SMARCA4: variants seen among roughly 807,000 people sequenced by gnomAD.
SMARCA4 encodes SWI/SNF related BAF chromatin remodeling complex subunit ATPase 4.
A neutral mutation model predicts 193.9 loss-of-function variants in SMARCA4; 31 were observed. That is an observed-to-expected ratio of 0.16 (90% CI 0.12 to 0.22). The LOEUF (loss-of-function observed/expected upper bound fraction) is 0.22, where lower values mean the gene tolerates loss of function less well. Among genes scored for constraint, SMARCA4 ranks in the 10% least tolerant of loss-of-function variants. The probability of loss-of-function intolerance (pLI) is 1.00; values close to 1 mark genes in which losing one functional copy is unlikely to be tolerated. For missense variants in SMARCA4, 1,148 were observed against 2,296.0 expected (o/e 0.50, Z 10.22); for synonymous variants, 942 against 933.1 (o/e 1.01, Z -0.17).
In SMARCA4 at chr19:11,034,822, G is replaced by A. The variant is rs916919345; in HGVS notation, c.3952-92G>A. 12 of 849,326 alleles carry A rather than the reference G, an allele frequency of 1.4e-5. No homozygotes were observed. Among genetic ancestry groups the A allele is most frequent in the Non-Finnish European group, 2.3e-5 (12 of 520,454 alleles). The allele number at this position is 849,326 out of a possible 1,614,324, so 52.6% of individuals were successfully genotyped here. ...AGCAGCGTGGAGCCCCACGGGCAGA[G>A]AAAGGCCCTTCTGAACTCTCGGTGT... On this transcript the variant is annotated intron_variant, in intron 28 of 34. Transcript: ENST00000344626. This position sits in a 1 kb window ranked among gnomAD's most constrained non-coding sequence, Gnocchi z 7.0.
At chr19:11,056,764 CCAAACAAG>C (rs2076569172) in intron 30 of SMARCA4, among the ~76,000 whole-genome samples, 1 of 152,092 alleles carries the variant, frequency 6.6e-6, no homozygotes, top group Non-Finnish European at 1.5e-5. Flanking sequence ...CACACAAACA[CCAAACAAG>C]CAGGAGGCCT....
rs377640724 is a variant in SMARCA4 at position 11,033,537 on chromosome 19, C to T, written c.3774+20C>T. 3.2e-5 allele frequency: 50 copies of T among 1,584,934 alleles called. No individual in the cohort carries two copies. The highest frequency in any genetic ancestry group is 3.1e-4 in the African/African-American group (23 of 74,376). ...GATGAGGTGAGCCCAGCACCGGCCC[C>T]GACCCCTCCCCAGCGTGAATGGTGG... On this transcript the variant is annotated intron_variant, in intron 26 of 34. Coordinates refer to ENST00000344626, the MANE Select transcript of SMARCA4 (RefSeq NM_003072.5). This position sits in a 1 kb window ranked among gnomAD's most constrained non-coding sequence, Gnocchi z 9.8.
At chr19:11,004,713 A>G (rs1189294294) in intron 13 of SMARCA4, among the ~76,000 whole-genome samples, 2 of 151,946 alleles carry the variant, frequency 1.3e-5, no homozygotes, top group Non-Finnish European at 2.9e-5. Context: ...AAGACCATTT[A>G]TATTTACTGT....
chr19:11,026,187 G>T (rs1192268191), intron 22 of SMARCA4, 113 bp from the exon 23 acceptor site: 3 of 861,130 alleles, frequency 3.5e-6, no homozygotes, highest in South Asian at 2.6e-5. Flanking sequence ...GGCCCGTGCC[G>T]AGCACACAGT....
rs112035322 is a variant in SMARCA4, at chr19:11,045,998, C to T, written c.4424+4438C>T. Among the ~76,000 whole-genome samples the T allele has an allele frequency of 5.4e-3, 822 of 152,056 alleles. 7 individuals are homozygous for T. Among genetic ancestry groups the T allele is most frequent in the African/African-American group, 0.017 (721 of 41,478 alleles). Reference sequence around the variant, plus strand: ...CAGCACTTTGGGAGGCTGAGGCGAGCGGATCACAAGGCCAGGAGATCAAGA... The same window carrying T: ...CAGCACTTTGGGAGGCTGAGGCGAGTGGATCACAAGGCCAGGAGATCAAGA... On this transcript the variant is annotated intron_variant, in intron 30 of 34. Transcript: ENST00000344626.
chr19:11,004,335 G>A (rs1054578460), intron 13 of SMARCA4, among the ~76,000 whole-genome samples: 5 of 149,854 alleles, frequency 3.3e-5, no homozygotes, highest in African/African-American at 4.9e-5. Flanking sequence ...TGCAACCTCC[G>A]CCTCCCGGGT....
intron 9 of SMARCA4, 24 bp from the exon 10 acceptor site, chr19:10,996,189 G>C (rs2145967506): frequency 6.2e-7 from 1 of 1,613,648 alleles, no homozygotes; most frequent in Non-Finnish European, 8.5e-7. Context: ...CCACCACATT[G>C]CAGTAACCCC....
chr19:11,028,698 C>T (rs558523048), intron 24 of SMARCA4, among the ~76,000 whole-genome samples: 4 of 152,332 alleles, frequency 2.6e-5, no homozygotes, highest in Non-Finnish European at 4.4e-5. Context: ...CCCCAGCACA[C>T]GGGAGCTCAG....
At chr19:11,037,736 C>G (rs2075351190) in intron 29 of SMARCA4, among the ~76,000 whole-genome samples, 1 of 151,848 alleles carries the variant, frequency 6.6e-6, no homozygotes, top group African/African-American at 2.4e-5. Context: ...TGTCTTTTCT[C>G]CTAGGAGGGT....
chr19:10,994,658 A>G (rs909326342), intron 8 of SMARCA4, among the ~76,000 whole-genome samples, 170 bp from the exon 9 acceptor site: 1 of 151,704 alleles, frequency 6.6e-6, no homozygotes, highest in Non-Finnish European at 1.5e-5. Flanking sequence ...ACGGGGTTTC[A>G]CCGTGTTAGC....
chr19:10,975,143 A>C (rs2085028530), intron 1 of SMARCA4, among the ~76,000 whole-genome samples: 1 of 141,392 alleles, frequency 7.1e-6, no homozygotes, highest in African/African-American at 2.7e-5. Flanking sequence ...CAGCCTCCTG[A>C]GTAGCTGGGA....
chr19:11,017,343 G>A (rs1210928745), intron 16 of SMARCA4, among the ~76,000 whole-genome samples: 1 of 152,252 alleles, frequency 6.6e-6, no homozygotes, highest in Non-Finnish European at 1.5e-5. Flanking sequence ...CATTTCCAGG[G>A]TGATAGAGGT....
At position 11,034,820 on chromosome 19, in the gene SMARCA4, G is replaced by A; in HGVS notation, c.3952-94G>A. Reference sequence around the variant, plus strand: ...GCAGCAGCGTGGAGCCCCACGGGCAGAGAAAGGCCCTTCTGAACTCTCGGT... The same window carrying A: ...GCAGCAGCGTGGAGCCCCACGGGCAAAGAAAGGCCCTTCTGAACTCTCGGT... On this transcript the variant is annotated intron_variant, in intron 28 of 34. Transcript: ENST00000344626. The surrounding 1 kb of genome is among the most constrained non-coding windows in gnomAD (Gnocchi z 7.0). 1 of 840,706 alleles carries A rather than the reference G, an allele frequency of 1.2e-6. No individual in the cohort carries two copies. The highest frequency in any genetic ancestry group is 2.0e-6 in the Non-Finnish European group (1 of 512,598). The allele number at this position is 840,706 out of a possible 1,614,324, so 52.1% of individuals were successfully genotyped here.
chr19:11,002,253 G>A (rs138545525), intron 11 of SMARCA4, among the ~76,000 whole-genome samples: 9 of 152,274 alleles, frequency 5.9e-5, no homozygotes, highest in Non-Finnish European at 1.2e-4. Context: ...GCCGAGGCGG[G>A]CAGATCACGA....
At chr19:11,048,359 G>A (rs2076068289) in intron 30 of SMARCA4, among the ~76,000 whole-genome samples, 1 of 152,146 alleles carries the variant, frequency 6.6e-6, no homozygotes, top group Non-Finnish European at 1.5e-5. Flanking sequence ...AGCCTCCCAA[G>A]TAGCTGGGAT....
In SMARCA4 at chr19:11,010,191, G is replaced by T. The variant is rs565430755; in HGVS notation, c.2124-190G>T. Among the ~76,000 whole-genome samples, 7 of 152,276 alleles carry T rather than the reference G, an allele frequency of 4.6e-5. No homozygotes were observed. The South Asian group carries it at 1.4e-3, about 32-fold the overall frequency. The stretch of plus-strand genomic sequence containing the variant: ...CCAGAGCTCCCAGGAGTCCAGTCTG[G>T]ACCCCTCAGGCTTAGTGCGGGCTGC... On this transcript the variant is annotated intron_variant, in intron 14 of 34. Coordinates refer to ENST00000344626, the MANE Select transcript of SMARCA4 (RefSeq NM_003072.5).
At chr19:11,047,333 G>A (rs2075995381) in intron 30 of SMARCA4, among the ~76,000 whole-genome samples, 1 of 152,120 alleles carries the variant, frequency 6.6e-6, no homozygotes, top group Admixed American at 6.6e-5. Flanking sequence ...CCTCCCTGTG[G>A]AGTTGAAGAC....
At chr19:11,044,208 A>G (rs2075774249) in intron 30 of SMARCA4, among the ~76,000 whole-genome samples, 1 of 152,090 alleles carries the variant, frequency 6.6e-6, no homozygotes, top group African/African-American at 2.4e-5. Flanking sequence ...CGCACACACC[A>G]TGCACTTGGA....
intron 30 of SMARCA4, among the ~76,000 whole-genome samples, chr19:11,054,285 C>A (rs1042197107): frequency 7.0e-4 from 107 of 152,208 alleles, no homozygotes; most frequent in African/African-American, 2.5e-3. Flanking sequence ...GCCCAGATGC[C>A]CGGCAGCGGG....
Sources: allele counts gnomAD v4.1 joint callset (sites outside exome capture counted in the v4.1 genomes callset), GRCh38; gene constraint gnomAD v4.1.1; non-coding constraint Gnocchi (gnomAD v3.1); transcripts MANE v1.5; gene names NCBI Gene and HGNC (gene_info 2026-07-23, HGNC 2026-07-21).